The following KCNH1 variants were observed in gnomAD, a reference collection of about 807,000 sequenced individuals.
The protein encoded by KCNH1 is potassium voltage-gated channel subfamily H member 1.
In KCNH1, 27 loss-of-function variants were observed where a neutral mutation model predicts 69.2. The ratio of observed to expected loss-of-function variants is 0.39; its 90% CI spans 0.29 to 0.54. KCNH1 has a LOEUF of 0.54. Among genes scored for constraint, KCNH1 ranks in the 20% least tolerant of loss-of-function variants. The pLI is 0.68. For synonymous variants in KCNH1, 456 were observed against 487.7 expected, an observed-to-expected ratio of 0.93 and a Z score of 0.86; for missense variants, 798 against 1,261.6, an observed-to-expected ratio of 0.63 and a Z score of 5.57.
intron 5 of KCNH1, among the ~76,000 whole-genome samples, chr1:211,024,437 T>C (rs1689647448): frequency 6.6e-6 from 1 of 152,114 alleles, no homozygotes; most frequent in South Asian, 2.1e-4. Flanking sequence ...AGAAGTCCAA[T>C]GTGGCTGAAG....
intron 7 of KCNH1, among the ~76,000 whole-genome samples, chr1:210,917,481 CA>C (rs1687372399): frequency 6.6e-6 from 1 of 151,808 alleles, no homozygotes; most frequent in African/African-American, 2.4e-5. Context: ...TTGGGGAAAA[CA>C]AAAAAACAAA....
chr1:210,922,242 C>T (rs925866906), intron 6 of KCNH1, among the ~76,000 whole-genome samples: 3 of 151,832 alleles, frequency 2.0e-5, no homozygotes, highest in African/African-American at 4.8e-5. Flanking sequence ...CTTAGCCAGG[C>T]GTGGTGGCAG....
At chr1:211,108,362 G>T (rs1691396024) in intron 1 of KCNH1, 1 of 149,856 alleles carries the variant, frequency 6.7e-6, no homozygotes, top group African/African-American at 2.4e-5. Flanking sequence ...GCCTTCTTTA[G>T]TTGTAAACTG....
intron 10 of KCNH1, among the ~76,000 whole-genome samples, chr1:210,687,793 A>T (rs879742474): frequency 2.0e-5 from 3 of 152,056 alleles, no homozygotes; most frequent in African/African-American, 4.8e-5. Context: ...GAGTGGTTGT[A>T]TGACTCATGA....
intron 6 of KCNH1, among the ~76,000 whole-genome samples, chr1:210,964,095 C>T (rs949922020): frequency 1.3e-5 from 2 of 152,172 alleles, no homozygotes; most frequent in Non-Finnish European, 2.9e-5. Flanking sequence ...GCAGATCTCT[C>T]GGCAGAAACC....
chr1:211,033,104 T>C (rs1689823243), intron 5 of KCNH1, among the ~76,000 whole-genome samples: 1 of 152,170 alleles, frequency 6.6e-6, no homozygotes, highest in Admixed American at 6.5e-5. Context: ...GGATGAAGGA[T>C]ATGAACAGAC....
chr1:210,805,057 T>A (rs1032661142), intron 7 of KCNH1, among the ~76,000 whole-genome samples: 4 of 152,194 alleles, frequency 2.6e-5, no homozygotes, highest in Non-Finnish European at 5.9e-5. Context: ...CCTATACACC[T>A]TTTGCCCTCC....
chr1:210,846,789 A>G (rs1480626509), intron 7 of KCNH1, among the ~76,000 whole-genome samples: 1 of 152,040 alleles, frequency 6.6e-6, no homozygotes, highest in Non-Finnish European at 1.5e-5. Flanking sequence ...CAGAGTGAAC[A>G]GGCAACCTAC....
chr1:210,862,959 C>G (rs1257268483), intron 7 of KCNH1, among the ~76,000 whole-genome samples: 1 of 152,162 alleles, frequency 6.6e-6, no homozygotes, highest in African/African-American at 2.4e-5. Flanking sequence ...AAACCAAATA[C>G]TAACTGTGAT....
intron 6 of KCNH1, among the ~76,000 whole-genome samples, chr1:210,992,999 G>GA (rs1688962685): frequency 5.9e-5 from 9 of 152,128 alleles, no homozygotes; most frequent in Admixed American, 5.9e-4. Flanking sequence ...TCTGAGGCAG[G>GA]TCATGCTCTC....
At chr1:210,761,786 G>A (rs4951576) in intron 10 of KCNH1, among the ~76,000 whole-genome samples, 4,164 of 152,170 alleles carry the variant, frequency 0.027, 117 homozygotes, top group East Asian at 0.14. Flanking sequence ...TGATAGTCAC[G>A]AAATAATAGT....
At chr1:210,742,817 G>A (rs948412106) in intron 10 of KCNH1, among the ~76,000 whole-genome samples, 1 of 152,088 alleles carries the variant, frequency 6.6e-6, no homozygotes, top group African/African-American at 2.4e-5. Flanking sequence ...AGTTACGAAC[G>A]AGGAGGCTCA....
intron 10 of KCNH1, among the ~76,000 whole-genome samples, chr1:210,703,050 T>TATTA (rs1001304396): frequency 3.5e-4 from 53 of 152,236 alleles, no homozygotes; most frequent in African/African-American, 1.3e-3. Flanking sequence ...AACACAATTT[T>TATTA]ATTATTTTAA....
intron 1 of KCNH1, among the ~76,000 whole-genome samples, chr1:211,132,001 G>A (rs1691883897): frequency 6.6e-6 from 1 of 152,172 alleles, no homozygotes; most frequent in East Asian, 1.9e-4. Context: ...ACAGTATTCT[G>A]CCTTCACAGC....
chr1:210,914,900 G>A (rs1264481445), intron 7 of KCNH1, among the ~76,000 whole-genome samples: 2 of 152,026 alleles, frequency 1.3e-5, no homozygotes, highest in Non-Finnish European at 1.5e-5. Flanking sequence ...TGGAGTAGGA[G>A]TACATTGTCT....
At chr1:211,002,671 A>G (rs1246239163) in intron 6 of KCNH1, among the ~76,000 whole-genome samples, 1 of 152,208 alleles carries the variant, frequency 6.6e-6, no homozygotes, top group Non-Finnish European at 1.5e-5. Flanking sequence ...TAACACAATA[A>G]CCAAAATTAA....
intron 6 of KCNH1, among the ~76,000 whole-genome samples, chr1:210,999,699 G>A (rs569706678): frequency 9.9e-5 from 15 of 152,280 alleles, no homozygotes; most frequent in African/African-American, 2.9e-4. Flanking sequence ...AAGCCTGGCA[G>A]AGACACAGCA....
intron 7 of KCNH1, among the ~76,000 whole-genome samples, chr1:210,821,201 G>A (rs1049344099): frequency 3.3e-5 from 5 of 152,044 alleles, no homozygotes; most frequent in African/African-American, 1.2e-4. Context: ...GCCTACCAAA[G>A]GCCCCACCTT....
At chr1:211,070,426 A>ACACACAC (rs1553376612) in intron 5 of KCNH1, among the ~76,000 whole-genome samples, 57 of 108,380 alleles carry the variant, frequency 5.3e-4, no homozygotes, top group African/African-American at 1.8e-3. Context: ...TTTAAAAAAA[A>ACACACAC]AAAAACACAC....
Sources: gnomAD v4.1 joint callset for allele counts (sites outside exome capture counted in the v4.1 genomes callset) on GRCh38, gnomAD v4.1.1 for gene constraint, MANE v1.5 for transcripts, NCBI Gene and HGNC (gene_info 2026-07-23, HGNC 2026-07-21) for gene names.